The following MICAL2 variants were observed in gnomAD, a reference collection of about 807,000 sequenced individuals.
The protein encoded by MICAL2 is microtubule associated monooxygenase, calponin and LIM domain containing 2, also known as [F-actin]-monooxygenase MICAL2.
Under a neutral mutation model 127.3 loss-of-function variants are expected in MICAL2, and 77 were observed. The ratio of observed to expected loss-of-function variants is 0.60; its 90% confidence interval spans 0.50 to 0.73. The LOEUF (loss-of-function observed/expected upper bound fraction) is 0.73, where lower values mean the gene tolerates loss of function less well. Among genes scored for constraint, MICAL2 ranks in the 30% least tolerant of loss-of-function variants. The probability of loss-of-function intolerance (pLI) is 0.00; values close to 1 mark genes in which losing one functional copy is unlikely to be tolerated. For synonymous variants in MICAL2, 570 were observed against 551.1 expected, an observed-to-expected ratio of 1.03 and a Z score of -0.48; for missense variants, 1,351 against 1,434.4, an observed-to-expected ratio of 0.94 and a Z score of 0.94.
At chr11:12,122,076 T>C (rs975960806) in intron 1 of MICAL2, among the ~76,000 whole-genome samples, 2 of 152,226 alleles carry the variant, frequency 1.3e-5, no homozygotes, top group Non-Finnish European at 2.9e-5. Context: ...TACTCTCAAT[T>C]TGAAGCATGC....
At chr11:12,130,526 T>C (rs1851328060) in intron 1 of MICAL2, among the ~76,000 whole-genome samples, 1 of 152,066 alleles carries the variant, frequency 6.6e-6, no homozygotes, top group Non-Finnish European at 1.5e-5. Flanking sequence ...CTCCTTGGAG[T>C]TGTTCCTTAA....
At chr11:12,210,308 T>C (rs747404178) in intron 6 of MICAL2, among the ~76,000 whole-genome samples, 2 of 152,210 alleles carry the variant, frequency 1.3e-5, no homozygotes, top group Non-Finnish European at 2.9e-5. Flanking sequence ...CTCATTGATA[T>C]TAACCATGCT....
chr11:12,221,024 C>A (rs1286962200), intron 9 of MICAL2, among the ~76,000 whole-genome samples: 1 of 152,234 alleles, frequency 6.6e-6, no homozygotes, highest in Non-Finnish European at 1.5e-5. Flanking sequence ...GAGTCAAATT[C>A]CAAACCATGC....
At chr11:12,331,606 T>C (rs1482043300) in intron 32 of MICAL2, among the ~76,000 whole-genome samples, 1 of 152,184 alleles carries the variant, frequency 6.6e-6, no homozygotes, top group African/African-American at 2.4e-5. Flanking sequence ...TCCTGGATAA[T>C]GTACAGTGAG....
chr11:12,178,466 G>C (rs1399777932), intron 3 of MICAL2, among the ~76,000 whole-genome samples: 2 of 152,008 alleles, frequency 1.3e-5, no homozygotes, highest in African/African-American at 2.4e-5. Flanking sequence ...TAAGGTATGG[G>C]GGTGGGGGGC....
chr11:12,202,320 G>A (rs879682253), intron 3 of MICAL2, among the ~76,000 whole-genome samples: 1 of 152,098 alleles, frequency 6.6e-6, no homozygotes, highest in Non-Finnish European at 1.5e-5. Flanking sequence ...AGTCCAGCAT[G>A]GTGGGCTCTG....
intron 17 of MICAL2, among the ~76,000 whole-genome samples, chr11:12,240,772 T>C (rs1018917414): frequency 1.3e-5 from 2 of 152,214 alleles, no homozygotes; most frequent in African/African-American, 4.8e-5. Context: ...AGGCCCTGTG[T>C]CTGAGCCAAA....
intron 2 of MICAL2, among the ~76,000 whole-genome samples, chr11:12,146,974 A>T (rs534500695): frequency 6.6e-6 from 1 of 151,838 alleles, no homozygotes; most frequent in South Asian, 2.1e-4. Flanking sequence ...AAAACCAAAC[A>T]CTGCATGTTC....
intron 25 of MICAL2, among the ~76,000 whole-genome samples, chr11:12,259,111 A>C (rs1862744751): frequency 6.6e-6 from 1 of 152,210 alleles, no homozygotes; most frequent in African/African-American, 2.4e-5. Flanking sequence ...ACTTTTTTCT[A>C]ATTAGCCAAA....
At chr11:12,200,718 A>G (rs1379418052) in intron 3 of MICAL2, among the ~76,000 whole-genome samples, 1 of 152,136 alleles carries the variant, frequency 6.6e-6, no homozygotes, top group Non-Finnish European at 1.5e-5. Context: ...TGGTGGGAAA[A>G]CCGAGCTTTC....
At chr11:12,248,031 G>A (rs1000575259) in intron 21 of MICAL2, among the ~76,000 whole-genome samples, 11 of 152,178 alleles carry the variant, frequency 7.2e-5, no homozygotes, top group Non-Finnish European at 1.5e-4. Context: ...CCGAGGATCC[G>A]TGAATAATAA....
chr11:12,136,110 A>C (rs2171150), intron 1 of MICAL2, among the ~76,000 whole-genome samples: 89,656 of 151,746 alleles, frequency 0.59, 27,052 homozygotes, highest in South Asian at 0.72. Context: ...TGTCCCACTC[A>C]ATCTCACAGG....
chr11:12,216,195 G>A (rs1193595905), intron 7 of MICAL2, 24 bp from the exon 8 acceptor site: 1 of 1,556,496 alleles, frequency 6.4e-7, no homozygotes, highest in South Asian at 1.1e-5. Flanking sequence ...GTAACACTGA[G>A]CTTGTGAATG....
At chr11:12,143,963 G>A (rs113735149) in intron 2 of MICAL2, among the ~76,000 whole-genome samples, 1 of 152,030 alleles carries the variant, frequency 6.6e-6, no homozygotes, top group Non-Finnish European at 1.5e-5. Context: ...GAGAGAGAGC[G>A]CCAGGAACTC....
intron 25 of MICAL2, 44 bp from the exon 26 acceptor site, chr11:12,259,751 G>A: frequency 6.7e-7 from 1 of 1,493,706 alleles, no homozygotes; most frequent in South Asian, 1.3e-5. Flanking sequence ...GTAGTCCTCT[G>A]GAAGACTTAC....
chr11:12,213,193 C>A, intron 6 of MICAL2, 62 bp from the exon 7 acceptor site: 2 of 1,524,358 alleles, frequency 1.3e-6, no homozygotes, highest in South Asian at 2.6e-5. Flanking sequence ...TCCCAATAAT[C>A]ATTTTCAGTT....
intron 18 of MICAL2, among the ~76,000 whole-genome samples, chr11:12,241,624 G>A (rs961869226): frequency 1.3e-5 from 2 of 152,208 alleles, no homozygotes; most frequent in Non-Finnish European, 2.9e-5. Context: ...CCTGCATAGC[G>A]GGCGGGAAGG....
At chr11:12,209,424 C>T (rs955823250) in intron 5 of MICAL2, 73 bp from the exon 6 acceptor site, 9 of 1,207,578 alleles carry the variant, frequency 7.5e-6, no homozygotes, top group Non-Finnish European at 1.1e-5. Flanking sequence ...TTCTCATAGC[C>T]ACCACACGGG....
intron 29 of MICAL2, among the ~76,000 whole-genome samples, chr11:12,300,807 A>G (rs77318046): frequency 0.015 from 2,296 of 152,264 alleles, 48 homozygotes; most frequent in African/African-American, 0.052. Context: ...CTTCCAACCT[A>G]CAGAACTGTA....
Sources: gnomAD v4.1 joint callset for allele counts (sites outside exome capture counted in the v4.1 genomes callset) on GRCh38, gnomAD v4.1.1 for gene constraint, MANE v1.5 for transcripts, NCBI Gene and HGNC (gene_info 2026-07-23, HGNC 2026-07-21) for gene names.